PHACTR2: variants seen among roughly 807,000 people sequenced by gnomAD.
PHACTR2 encodes the protein phosphatase and actin regulator 2.
A neutral mutation model predicts 76.0 loss-of-function variants in PHACTR2; 30 were observed. The observed-to-expected ratio is 0.39, with a 90% CI of 0.30 to 0.54. The LOEUF (loss-of-function observed/expected upper bound fraction) is 0.54. PHACTR2 is among the 20% of genes least tolerant of loss of function. The probability of loss-of-function intolerance (pLI) is 0.61; values close to 1 mark genes in which losing one functional copy is unlikely to be tolerated. For missense variants in PHACTR2, 696 were observed against 781.1 expected, an observed-to-expected ratio of 0.89 and a Z score of 1.30; for synonymous variants, 292 against 292.5, an observed-to-expected ratio of 1.00 and a Z score of 0.02.
In PHACTR2 at chr6:143,731,856, C is replaced by A. The variant is rs1443413114; in HGVS notation, c.215-17129C>A. Among the ~76,000 whole-genome samples the A allele has an allele frequency of 6.6e-6, 1 of 152,152 alleles. No homozygotes were observed. Among genetic ancestry groups the A allele is most frequent in the Non-Finnish European group, 1.5e-5 (1 of 68,022 alleles). On this transcript the variant is annotated intron_variant, in intron 2 of 12. Transcript: ENST00000440869. The surrounding 1 kb of genome is among the most constrained non-coding windows in gnomAD (Gnocchi z 4.9). ...TAAAGCATTATGGACCTGAAGATTT[C>A]TCTTTTGAAAGATTTAAATAGCATA...
Position 143,595,287 on chromosome 6 carries a change from A to C in PHACTR2, c.217+58080A>C, listed in dbSNP as rs1009512840. Among the ~76,000 whole-genome samples, 1 of 152,256 alleles carries C rather than the reference A, an allele frequency of 6.6e-6. No individual in the cohort carries two copies. The highest frequency in any genetic ancestry group is 6.5e-5 in the Admixed American group (1 of 15,286). Reference sequence around the variant, plus strand: ...GCTAATTAGGTAAAGGGAGAAGTGTACATGACAGGTTTCTGATTTTCTAGC... The same window carrying C: ...GCTAATTAGGTAAAGGGAGAAGTGTCCATGACAGGTTTCTGATTTTCTAGC... On this transcript the variant is annotated intron_variant, in intron 1 of 11. Coordinates refer to the PHACTR2 transcript ENST00000367584. This position sits in a 1 kb window ranked among gnomAD's most constrained non-coding sequence, Gnocchi z 4.2.
intron 1 of PHACTR2, among the ~76,000 whole-genome samples, chr6:143,682,822 A>G (rs1427261971): frequency 6.6e-6 from 1 of 150,858 alleles, no homozygotes; most frequent in Non-Finnish European, 1.5e-5. Context: ...GCTATTAGCT[A>G]TGGGTTTCTT....
rs1410508198 is a variant in PHACTR2, at chr6:143,772,781, C to T, written c.1432+324C>T. ...TTTCTCACTATGACCAAAGAGAGCC[C>T]TTCCACTCTGGGCCTGTTGTTGAAG... On this transcript the variant is annotated intron_variant, in intron 7 of 12. Transcript: ENST00000440869. This position sits in a 1 kb window ranked among gnomAD's most constrained non-coding sequence, Gnocchi z 5.4. Among the ~76,000 whole-genome samples the T allele has an allele frequency of 6.6e-6, 1 of 152,162 alleles. No individual in the cohort carries two copies. Among genetic ancestry groups the T allele is most frequent in the African/African-American group, 2.4e-5 (1 of 41,430 alleles).
rs71024872 is a variant in PHACTR2 at position 143,704,095 on chromosome 6, C to CTGTGTGTGTGTGTGTCTGTGTGTG, written c.47-7906_47-7905insCTGTGTGTGTGTGTGTGTGTGTGT. Among the ~76,000 whole-genome samples the CTGTGTGTGTGTGTGTCTGTGTGTG allele has an allele frequency of 8.0e-3, 1,156 of 144,172 alleles. 4 individuals carry two copies. Among genetic ancestry groups the CTGTGTGTGTGTGTGTCTGTGTGTG allele is most frequent in the East Asian group, 0.015 (75 of 4,860 alleles). 94.6% of individuals were successfully genotyped at this position (144,172 alleles called of 152,430 possible). On this transcript the variant is annotated intron_variant, in intron 1 of 12. Coordinates refer to ENST00000440869, the MANE Select transcript of PHACTR2 (RefSeq NM_001100164.2). The stretch of plus-strand genomic sequence containing the variant: ...ATCATGGGTGTGTGTGTGTGTGTGT[C>CTGTGTGTGTGTGTGTCTGTGTGTG]TGTGTGTGTGTGTGTGTGTGTGTGT...
chr6:143,765,400 G>A lies in PHACTR2; in HGVS notation c.834G>A (p.Lys278=), dbSNP rs1779537220. 6 of 1,614,216 alleles carry A rather than the reference G, an allele frequency of 3.7e-6. No individual in the cohort carries two copies. The highest frequency in any genetic ancestry group is 2.7e-5 in the African/African-American group (2 of 75,060). ...KAGTVGTTKG[K]RKTDKQPITS... ...GGACAGTGGGGACCACCAAGGGCAAGAGAAAAACTGACAAGCAGCCAATAA... is the reference window on the plus strand; with the variant it reads ...GGACAGTGGGGACCACCAAGGGCAAAAGAAAAACTGACAAGCAGCCAATAA... Residue 278 remains lysine (K), a synonymous_variant, in exon 6 of 13, where the codon AAG becomes AAA. Transcript: ENST00000440869. This position sits in a 1 kb window ranked among gnomAD's most constrained non-coding sequence, Gnocchi z 4.1.
At chr6:143,601,319 T>C (rs1278086313) in intron 1 of PHACTR2, among the ~76,000 whole-genome samples, 1 of 152,172 alleles carries the variant, frequency 6.6e-6, no homozygotes, top group African/African-American at 2.4e-5. Flanking sequence ...TTTAGATCTG[T>C]ACAGGTTGCT....
intron 9 of PHACTR2, among the ~76,000 whole-genome samples, chr6:143,778,908 C>T (rs977620511): frequency 2.0e-5 from 3 of 152,230 alleles, no homozygotes; most frequent in Non-Finnish European, 2.9e-5. Context: ...AGAAACTTAC[C>T]GCGTGTTGAT....
In PHACTR2 at chr6:143,774,086, G is replaced by A. The variant is rs1775218545; in HGVS notation, c.1460G>A (p.Arg487Lys). 1.2e-6 allele frequency: 2 copies of A among 1,613,690 alleles called. No individual in the cohort carries two copies. The highest frequency in any genetic ancestry group is 2.7e-5 in the African/African-American group (2 of 74,998). ...ESALASKIRR[R>K]DTLAIKLGNR... ...GCTTTGGCAAGTAAAATACGCCGGA[G>A]GGATACTCTTGCTATCAAACTTGGC... The change falls in exon 8 of 13, where the codon AGG becomes AAG. Residue 487 changes from arginine to lysine, a missense_variant. By Grantham distance (26) the Arg-to-Lys change is conservative. Coordinates refer to ENST00000440869, the MANE Select transcript of PHACTR2 (RefSeq NM_001100164.2). This position sits in a 1 kb window ranked among gnomAD's most constrained non-coding sequence, Gnocchi z 5.4.
rs1444912051 is a variant in PHACTR2, at chr6:143,539,631, T to C, written c.217+2424T>C. 2.0e-5 allele frequency among the ~76,000 whole-genome samples: 3 copies of C among 152,046 alleles called. No homozygotes were observed. In the South Asian group the frequency reaches 6.2e-4, roughly 32 times the overall value. On this transcript the variant is annotated intron_variant, in intron 1 of 11. Coordinates refer to the PHACTR2 transcript ENST00000367584. This position sits in a 1 kb window ranked among gnomAD's most constrained non-coding sequence, Gnocchi z 4.3. ...CTATAGTAGCCCAATTTCCAGCCCT[T>C]CTCCAGAAGCTCTGGGCACACACAG...
intron 1 of PHACTR2, among the ~76,000 whole-genome samples, chr6:143,660,480 G>A (rs1372195751): frequency 2.0e-5 from 3 of 152,114 alleles, no homozygotes; most frequent in Admixed American, 2.0e-4. Context: ...CTCCCACCAG[G>A]TCCCTCCCAC....
At chr6:143,629,132 G>T (rs1776315995) in intron 1 of PHACTR2, among the ~76,000 whole-genome samples, 1 of 151,508 alleles carries the variant, frequency 6.6e-6, no homozygotes, top group African/African-American at 2.4e-5. Context: ...TTTTCTTAAA[G>T]ATGTCCATAG....
In PHACTR2 at chr6:143,608,779, T is replaced by G. The variant is rs978696803; in HGVS notation, c.13+457T>G. ...TGATGCTTTCATCTTCACGTTAGGA[T>G]GCAATGTCGAAAATGTTTCGATAGC... is the stretch of plus-strand genomic sequence containing the variant. On this transcript the variant is annotated intron_variant, in intron 1 of 11. Transcript: ENST00000305766. The surrounding 1 kb of genome is among the most constrained non-coding windows in gnomAD (Gnocchi z 4.6). 3.3e-5 allele frequency among the ~76,000 whole-genome samples: 5 copies of G among 152,234 alleles called. No individual in the cohort carries two copies. The highest frequency in any genetic ancestry group is 3.3e-4 in the Admixed American group (5 of 15,284).
At position 143,663,380 on chromosome 6, in the gene PHACTR2, A is replaced by T. The variant is rs553790059; in HGVS notation, c.14-48636A>T. Among the ~76,000 whole-genome samples, 2 of 152,102 alleles carry T rather than the reference A, an allele frequency of 1.3e-5. No individual in the cohort carries two copies. Among genetic ancestry groups the T allele is most frequent in the African/African-American group, 4.8e-5 (2 of 41,374 alleles). On this transcript the variant is annotated intron_variant, in intron 1 of 11. Transcript: ENST00000305766. This position sits in a 1 kb window ranked among gnomAD's most constrained non-coding sequence, Gnocchi z 4.1. ...AGTACTGAATATCCCAAAGCATTGA[A>T]TCACTTCTCTTGATTTTAAGATTCT... is the stretch of plus-strand genomic sequence containing the variant.
rs1562302385 is a variant in PHACTR2 at position 143,774,236 on chromosome 6, A to G, written c.1589+21A>G. On this transcript the variant is annotated intron_variant, in intron 8 of 12. Coordinates refer to ENST00000440869, the MANE Select transcript of PHACTR2 (RefSeq NM_001100164.2). The surrounding 1 kb of genome is among the most constrained non-coding windows in gnomAD (Gnocchi z 5.4). ...GTCAGGTAATTGCTAACATTTTAGGACAGTACTGACTAATTTGTATTTTTC... is the reference window on the plus strand; with the variant it reads ...GTCAGGTAATTGCTAACATTTTAGGGCAGTACTGACTAATTTGTATTTTTC... 2 of 1,603,148 alleles carry G rather than the reference A, an allele frequency of 1.2e-6. No homozygotes were observed. Among genetic ancestry groups the G allele is most frequent in the Non-Finnish European group, 1.7e-6 (2 of 1,170,848 alleles).
At position 143,610,305 on chromosome 6, in the gene PHACTR2, T is replaced by A. The variant is rs1775955646; in HGVS notation, c.13+1983T>A. Among the ~76,000 whole-genome samples, 1 of 151,924 alleles carries A rather than the reference T, an allele frequency of 6.6e-6. No individual in the cohort carries two copies. Among genetic ancestry groups the A allele is most frequent in the Non-Finnish European group, 1.5e-5 (1 of 68,002 alleles). On this transcript the variant is annotated intron_variant, in intron 1 of 11. Coordinates refer to the PHACTR2 transcript ENST00000305766. The surrounding 1 kb of genome is among the most constrained non-coding windows in gnomAD (Gnocchi z 4.9). ...GTGGCAAAAAAAAAAATCTGAAAAA[T>A]CTGAAATAACTTGGAGCACTACAGT...
intron 2 of PHACTR2, among the ~76,000 whole-genome samples, chr6:143,729,118 C>T (rs534123874): frequency 7.2e-5 from 11 of 152,216 alleles, no homozygotes; most frequent in African/African-American, 1.7e-4. Flanking sequence ...TTTTCATGTA[C>T]GCATCTGCCA....
intron 1 of PHACTR2, among the ~76,000 whole-genome samples, chr6:143,628,922 G>A (rs1776306520): frequency 9.6e-6 from 1 of 104,494 alleles, no homozygotes; most frequent in African/African-American, 3.9e-5. Flanking sequence ...TTAAATGCAG[G>A]AGATATATAT....
intron 11 of PHACTR2, among the ~76,000 whole-genome samples, chr6:143,799,161 G>A (rs1009328469): frequency 6.6e-6 from 1 of 152,142 alleles, no homozygotes; most frequent in Admixed American, 6.5e-5. Context: ...AGATTTTCTG[G>A]TTTATTTGTG....
chr6:143,543,530 G>A lies in PHACTR2; in HGVS notation c.217+6323G>A, dbSNP rs1298390152. The stretch of plus-strand genomic sequence containing the variant: ...CTAGGATGGTCGGCTATAGGGAATG[G>A]CTGTGGGGAGAAAATGCCTCTGGCA... On this transcript the variant is annotated intron_variant, in intron 1 of 11. Coordinates refer to the PHACTR2 transcript ENST00000367584. This position sits in a 1 kb window ranked among gnomAD's most constrained non-coding sequence, Gnocchi z 4.7. Among the ~76,000 whole-genome samples the A allele has an allele frequency of 2.0e-5, 3 of 152,224 alleles. No individual in the cohort carries two copies. Among genetic ancestry groups the A allele is most frequent in the Admixed American group, 2.0e-4 (3 of 15,288 alleles).
Sources: gnomAD v4.1 joint callset for allele counts (sites outside exome capture counted in the v4.1 genomes callset) on GRCh38, gnomAD v4.1.1 for gene constraint, Gnocchi (gnomAD v3.1) non-coding constraint, MANE v1.5 for transcripts, NCBI Gene and HGNC (gene_info 2026-07-23, HGNC 2026-07-21) for gene names.